Variants in CNTN5 observed in about 807,000 individuals in gnomAD.
CNTN5 encodes the protein contactin 5, also known as contactin-5.
In CNTN5, 77 loss-of-function variants were observed where a neutral mutation model predicts 129.1. The ratio of observed to expected loss-of-function variants is 0.60; its 90% CI spans 0.50 to 0.72. CNTN5 has a LOEUF of 0.72. Among genes scored for constraint, CNTN5 ranks in the 30% least tolerant of loss-of-function variants. The pLI is 0.00. For missense variants in CNTN5, 1,478 were observed against 1,328.8 expected (o/e 1.11, Z -1.75); for synonymous variants, 509 against 465.6 (o/e 1.09, Z -1.20).
chr11:99,824,489 C>T (rs553501556), intron 4 of CNTN5, among the ~76,000 whole-genome samples: 3 of 151,932 alleles, frequency 2.0e-5, no homozygotes, highest in Non-Finnish European at 4.4e-5. Context: ...ATTTACAAAT[C>T]AGTTGGTCAC....
intron 3 of CNTN5, among the ~76,000 whole-genome samples, chr11:99,599,335 C>A (rs973735185): frequency 6.6e-6 from 1 of 151,790 alleles, no homozygotes. Flanking sequence ...GAGAAGAGAA[C>A]GATTTTCTGA....
chr11:99,249,764 A>G (rs2135787066), intron 1 of CNTN5, among the ~76,000 whole-genome samples: 1 of 152,122 alleles, frequency 6.6e-6, no homozygotes, highest in Middle Eastern at 3.4e-3. Flanking sequence ...ACAGTCTTCT[A>G]GTATAGTGAA....
intron 2 of CNTN5, among the ~76,000 whole-genome samples, chr11:99,523,674 CAGAACAGAACAGAACAGAACAGAAT>C (rs1947369365): frequency 4.4e-5 from 3 of 67,870 alleles, no homozygotes; most frequent in African/African-American, 2.1e-4. Flanking sequence ...CAGAACAGAA[CAGAACAGAACAGAACAGAACAGAAT>C]AGAACAGAAT....
At chr11:99,170,024 A>G (rs1398318268) in intron 1 of CNTN5, among the ~76,000 whole-genome samples, 1 of 152,180 alleles carries the variant, frequency 6.6e-6, no homozygotes, top group African/African-American at 2.4e-5. Flanking sequence ...TGTTTTCCAG[A>G]TGGTAATCAC....
At chr11:100,082,396 C>T (rs771371342) in intron 13 of CNTN5, among the ~76,000 whole-genome samples, 71 of 152,248 alleles carry the variant, frequency 4.7e-4, no homozygotes, top group Non-Finnish European at 7.5e-4. Context: ...TTTGTCCCAC[C>T]TCAGCCTCTC....
intron 2 of CNTN5, among the ~76,000 whole-genome samples, chr11:99,389,135 T>C (rs938872499): frequency 2.0e-5 from 3 of 151,928 alleles, no homozygotes; most frequent in Non-Finnish European, 2.9e-5. Flanking sequence ...GTTCAAGCAA[T>C]TCTCCTCCCC....
At chr11:99,180,977 T>C (rs1455086647) in intron 1 of CNTN5, among the ~76,000 whole-genome samples, 2 of 152,218 alleles carry the variant, frequency 1.3e-5, no homozygotes, top group African/African-American at 4.8e-5. Context: ...AGCAAATTCA[T>C]CTTATAACAA....
intron 9 of CNTN5, among the ~76,000 whole-genome samples, 181 bp from the exon 10 acceptor site, chr11:100,061,031 T>C (rs1221199969): frequency 1.3e-5 from 2 of 152,232 alleles, no homozygotes; most frequent in African/African-American, 2.4e-5. Flanking sequence ...GGAAATTCTT[T>C]TTATAATCTA....
chr11:100,070,979 C>A (rs1943900139), intron 11 of CNTN5, among the ~76,000 whole-genome samples: 1 of 151,380 alleles, frequency 6.6e-6, no homozygotes, highest in Admixed American at 6.6e-5. Flanking sequence ...CAAAGCACTG[C>A]CAACTAAGAG....
At chr11:99,920,422 C>T (rs902856091) in intron 7 of CNTN5, among the ~76,000 whole-genome samples, 2 of 152,222 alleles carry the variant, frequency 1.3e-5, no homozygotes, top group South Asian at 4.1e-4. Flanking sequence ...CATCTCTAAC[C>T]CAGACTCTGG....
chr11:99,307,109 G>A (rs1458652819), intron 1 of CNTN5, among the ~76,000 whole-genome samples: 1 of 152,104 alleles, frequency 6.6e-6, no homozygotes, highest in Non-Finnish European at 1.5e-5. Flanking sequence ...ATTGTTGTAT[G>A]GTCTTTCCCT....
intron 1 of CNTN5, among the ~76,000 whole-genome samples, chr11:99,302,271 A>G (rs193254382): frequency 7.4e-4 from 113 of 151,878 alleles, no homozygotes; most frequent in Non-Finnish European, 1.5e-3. Flanking sequence ...TGAAAAGTCA[A>G]TGAAACCAAA....
chr11:100,146,046 G>A (rs770682017), intron 13 of CNTN5, among the ~76,000 whole-genome samples: 30 of 152,126 alleles, frequency 2.0e-4, no homozygotes, highest in Non-Finnish European at 3.2e-4. Flanking sequence ...AGTAAAAAGC[G>A]AGACATTCCC....
At chr11:99,166,720 T>C (rs1172309479) in intron 1 of CNTN5, among the ~76,000 whole-genome samples, 1 of 151,974 alleles carries the variant, frequency 6.6e-6, no homozygotes, top group African/African-American at 2.4e-5. Flanking sequence ...GATATGCTTG[T>C]CATATTTACA....
intron 2 of CNTN5, among the ~76,000 whole-genome samples, chr11:99,400,289 C>T (rs1225699691): frequency 6.6e-6 from 1 of 152,042 alleles, no homozygotes; most frequent in African/African-American, 2.4e-5. Flanking sequence ...TCTTTCTGTG[C>T]CTGCTATTTC....
At chr11:99,435,031 T>C (rs1943546853) in intron 2 of CNTN5, among the ~76,000 whole-genome samples, 1 of 152,196 alleles carries the variant, frequency 6.6e-6, no homozygotes, top group African/African-American at 2.4e-5. Context: ...TTGAGGATGA[T>C]GTGACTTAAG....
rs1289130710 is a variant in CNTN5 at position 100,288,935 on chromosome 11, C to T, written c.2315-8690C>T. 1.1e-4 allele frequency among the ~76,000 whole-genome samples: 16 copies of T among 151,950 alleles called. No individual in the cohort carries two copies. In the East Asian group the frequency reaches 1.7e-3, roughly 17 times the overall value. ...AAAATGATAAAGGAGATATCACCAC[C>T]GATCCCACAGAAATACAAACTACCA... On this transcript the variant is annotated intron_variant, in intron 18 of 24. Coordinates refer to ENST00000524871, the MANE Select transcript of CNTN5 (RefSeq NM_014361.4).
At chr11:99,667,872 T>A (rs1321759737) in intron 3 of CNTN5, among the ~76,000 whole-genome samples, 1 of 151,980 alleles carries the variant, frequency 6.6e-6, no homozygotes, top group Non-Finnish European at 1.5e-5. Flanking sequence ...GGTATATCTG[T>A]GTAACAAACC....
chr11:99,408,454 GAAAGAAAGAAAGAAAGAAAGAA>G, intron 2 of CNTN5, among the ~76,000 whole-genome samples: 1 of 127,548 alleles, frequency 7.8e-6, no homozygotes, highest in African/African-American at 2.8e-5. Flanking sequence ...GAAAGAGAAA[GAAAGAAAGAAAGAAAGAAAGAA>G]AGAAAGAAAG....
Sources: gnomAD v4.1 joint callset for allele counts (sites outside exome capture counted in the v4.1 genomes callset) on GRCh38, gnomAD v4.1.1 for gene constraint, MANE v1.5 for transcripts, NCBI Gene and HGNC (gene_info 2026-07-23, HGNC 2026-07-21) for gene names.